Variants in BLOC1S5 observed in about 807,000 individuals in gnomAD.
BLOC1S5 encodes the protein biogenesis of lysosomal organelles complex 1 subunit 5.
BLOC1S5 carries 27 observed loss-of-function variants against 24.3 expected under a neutral mutation model. That is an observed-to-expected ratio of 1.11 (90% CI 0.82 to 1.53). The LOEUF (loss-of-function observed/expected upper bound fraction) is 1.53, where lower values mean the gene tolerates loss of function less well. Among genes scored for constraint, BLOC1S5 ranks in the 40% most tolerant of loss-of-function variants. The pLI is 0.00. For synonymous variants in BLOC1S5, 84 were observed against 74.5 expected, an observed-to-expected ratio of 1.13 and a Z score of -0.66; for missense variants, 239 against 229.4, an observed-to-expected ratio of 1.04 and a Z score of -0.27.
chr6:8,047,160 T>TCTCTCTCACACACACA (rs1475934039), intron 2 of BLOC1S5, among the ~76,000 whole-genome samples: 44 of 126,944 alleles, frequency 3.5e-4, no homozygotes, highest in African/African-American at 1.4e-3. Context: ...TCTCTCTCTC[T>TCTCTCTCACACACACA]CACACACACA....
chr6:8,045,354 A>C (rs779779801), intron 2 of BLOC1S5, among the ~76,000 whole-genome samples: 10 of 152,216 alleles, frequency 6.6e-5, no homozygotes, highest in Non-Finnish European at 1.3e-4. Flanking sequence ...TCCAGGCAAA[A>C]GTTTGCTGCA....
At chr6:8,029,124 ATACACACGT>A (rs1446986512) in intron 3 of BLOC1S5, among the ~76,000 whole-genome samples, 108 of 152,286 alleles carry the variant, frequency 7.1e-4, no homozygotes, top group African/African-American at 2.6e-3. Context: ...TAAACCTCAA[ATACACACGT>A]AAGAAAATAA....
intron 1 of BLOC1S5, 68 bp from the exon 2 acceptor site, chr6:8,062,684 C>G: frequency 1.9e-6 from 2 of 1,034,564 alleles, no homozygotes; most frequent in Non-Finnish European, 2.9e-6. Context: ...TTGTTTTACT[C>G]TCTCCCTTCC....
rs1762694841 is a variant in BLOC1S5, at chr6:8,015,280, TA to T, written c.*368del. 1 of 166,174 alleles carries T rather than the reference TA, an allele frequency of 6.0e-6. No homozygotes were observed. Among genetic ancestry groups the T allele is most frequent in the Non-Finnish European group, 1.3e-5 (1 of 77,266 alleles). The allele number at this position is 166,174 out of a possible 1,614,324, so 10.3% of individuals were successfully genotyped here. A position where few individuals can be genotyped will look rare whatever the true frequency, so the allele number is the denominator to read the frequency against. On this transcript the variant is annotated 3_prime_UTR_variant, in exon 5 of 5. Coordinates refer to ENST00000397457, the MANE Select transcript of BLOC1S5 (RefSeq NM_201280.3). ...ATACCTTCCCATTAAGCCACAATAA[TA>T]AACTATTGTTAACCCTGTATAGAAA... is the stretch of plus-strand genomic sequence containing the variant.
chr6:8,032,176 C>A (rs1317329942), intron 3 of BLOC1S5, among the ~76,000 whole-genome samples: 3 of 152,242 alleles, frequency 2.0e-5, no homozygotes, highest in East Asian at 3.9e-4. Flanking sequence ...AGCAAACAGA[C>A]AACACACAGG....
intron 3 of BLOC1S5, among the ~76,000 whole-genome samples, chr6:8,034,417 G>A (rs1324248806): frequency 6.6e-6 from 1 of 152,156 alleles, no homozygotes; most frequent in African/African-American, 2.4e-5. Flanking sequence ...CTAATAGGTG[G>A]GAATTGACAA....
chr6:8,022,677 C>T lies in BLOC1S5; in HGVS notation c.384+3690G>A, dbSNP rs374631705. Among the ~76,000 whole-genome samples the T allele has an allele frequency of 1.3e-3, 176 of 139,394 alleles. 4 individuals carry two copies. The East Asian group carries it at 0.031, about 25-fold the overall frequency. The allele number at this position is 139,394 out of a possible 152,430, so 91.4% of individuals were successfully genotyped here. ...TCGGCTCACTGCAAGCTCCGCCTCCCGGGTTCACGCCATTCTCCTGCCTCA... is the reference window on the plus strand; with the variant it reads ...TCGGCTCACTGCAAGCTCCGCCTCCTGGGTTCACGCCATTCTCCTGCCTCA... On this transcript the variant is annotated intron_variant, in intron 4 of 4. Coordinates refer to ENST00000397457, the MANE Select transcript of BLOC1S5 (RefSeq NM_201280.3).
At chr6:8,045,627 A>C (rs1438794894) in intron 2 of BLOC1S5, among the ~76,000 whole-genome samples, 1 of 152,230 alleles carries the variant, frequency 6.6e-6, no homozygotes, top group African/African-American at 2.4e-5. Flanking sequence ...GAGCCTCCCA[A>C]GACCATAGGA....
intron 4 of BLOC1S5, among the ~76,000 whole-genome samples, chr6:8,020,467 C>T (rs1027392521): frequency 3.3e-5 from 5 of 152,228 alleles, no homozygotes; most frequent in African/African-American, 1.2e-4. Flanking sequence ...GCCAGTTCTT[C>T]TCCCCCAAAA....
chr6:8,024,418 T>C (rs571920328), intron 4 of BLOC1S5, among the ~76,000 whole-genome samples: 14 of 144,744 alleles, frequency 9.7e-5, no homozygotes, highest in Admixed American at 8.1e-4. Flanking sequence ...CTTGGGAAGC[T>C]GAGGCAGGAG....
At chr6:8,060,401 T>C (rs1047622999) in intron 2 of BLOC1S5, among the ~76,000 whole-genome samples, 1 of 152,142 alleles carries the variant, frequency 6.6e-6, no homozygotes. Flanking sequence ...GCCAAGGAGC[T>C]GGAGTGCGCT....
chr6:8,035,638 A>G (rs560707414), intron 3 of BLOC1S5, among the ~76,000 whole-genome samples: 1 of 152,322 alleles, frequency 6.6e-6, no homozygotes, highest in East Asian at 1.9e-4. Context: ...AAAAAGAGAC[A>G]AAGAAGGTCA....
At chr6:8,052,841 G>A (rs1479605313) in intron 2 of BLOC1S5, among the ~76,000 whole-genome samples, 1 of 150,976 alleles carries the variant, frequency 6.6e-6, no homozygotes, top group African/African-American at 2.4e-5. Flanking sequence ...CTTGCAGTGA[G>A]CCAAGACTGC....
intron 2 of BLOC1S5, among the ~76,000 whole-genome samples, chr6:8,047,013 A>G (rs141356301): frequency 0.032 from 4,821 of 151,960 alleles, 242 homozygotes; most frequent in African/African-American, 0.1. Context: ...CAAACTCCTG[A>G]GCTCAAGCAA....
intron 3 of BLOC1S5, among the ~76,000 whole-genome samples, chr6:8,032,344 C>T (rs759504119): frequency 1.3e-5 from 2 of 151,928 alleles, no homozygotes; most frequent in African/African-American, 4.8e-5. Context: ...AAATGGCCAA[C>T]AAACATATGA....
chr6:8,047,860 C>T (rs1763960355), intron 2 of BLOC1S5, among the ~76,000 whole-genome samples: 1 of 152,166 alleles, frequency 6.6e-6, no homozygotes, highest in African/African-American at 2.4e-5. Context: ...TCTTTGTTTA[C>T]TAGCAGAAAT....
chr6:8,016,876 C>A (rs1271116202), intron 4 of BLOC1S5, among the ~76,000 whole-genome samples: 230 of 97,596 alleles, frequency 2.4e-3, no homozygotes, highest in Middle Eastern at 0.011. Flanking sequence ...TACTCTATCT[C>A]AAAAAAAAAA....
At chr6:8,042,656 T>C (rs1763735397) in intron 2 of BLOC1S5, among the ~76,000 whole-genome samples, 2 of 152,210 alleles carry the variant, frequency 1.3e-5, no homozygotes, top group Admixed American at 6.5e-5. Context: ...TTTTAGCTCA[T>C]CAGCTATTGT....
chr6:8,034,182 A>G (rs975782639), intron 3 of BLOC1S5, among the ~76,000 whole-genome samples: 5 of 152,252 alleles, frequency 3.3e-5, no homozygotes, highest in Non-Finnish European at 5.9e-5. Context: ...ATGCACACGT[A>G]TGTTTATTGC....
Sources: gnomAD v4.1 joint callset for allele counts (sites outside exome capture counted in the v4.1 genomes callset) on GRCh38, gnomAD v4.1.1 for gene constraint, MANE v1.5 for transcripts, NCBI Gene and HGNC (gene_info 2026-07-23, HGNC 2026-07-21) for gene names.